The following REEP3 variants were observed in gnomAD, a reference collection of about 807,000 sequenced individuals.
REEP3 encodes receptor accessory protein 3.
In REEP3, 20 loss-of-function variants were observed where a neutral mutation model predicts 41.3. The ratio of observed to expected loss-of-function variants is 0.48; its 90% CI spans 0.34 to 0.70. The LOEUF (loss-of-function observed/expected upper bound fraction) is 0.70. Among genes scored for constraint, REEP3 ranks in the 30% least tolerant of loss-of-function variants. REEP3 has a pLI of 0.01. For missense variants in REEP3, 271 were observed against 308.8 expected (o/e 0.88, Z 0.92); for synonymous variants, 104 against 101.8 (o/e 1.02, Z -0.13).
intron 2 of REEP3, among the ~76,000 whole-genome samples, chr10:63,589,115 T>C (rs1956033798): frequency 6.6e-6 from 1 of 152,118 alleles, no homozygotes; most frequent in Admixed American, 6.6e-5. Context: ...AGCAGAGGAA[T>C]GGCATGATTT....
intron 1 of REEP3, among the ~76,000 whole-genome samples, chr10:63,551,442 T>C (rs1589863667): frequency 6.6e-6 from 1 of 152,248 alleles, no homozygotes; most frequent in Non-Finnish European, 1.5e-5. Context: ...CTCAAGGAAA[T>C]GGAGCATCAC....
intron 5 of REEP3, chr10:63,599,586 G>GA (rs1276264538): frequency 3.5e-6 from 2 of 576,492 alleles, no homozygotes; most frequent in Non-Finnish European, 4.4e-6. Flanking sequence ...CTGATGTAAA[G>GA]ATGACCATTG....
At chr10:63,608,676 T>A (rs1482890493) in intron 5 of REEP3, among the ~76,000 whole-genome samples, 1 of 152,238 alleles carries the variant, frequency 6.6e-6, no homozygotes, top group Middle Eastern at 3.2e-3. Flanking sequence ...CTATGCAAAT[T>A]TAAAGTAGGT....
At chr10:63,562,202 G>A (rs117719432) in intron 1 of REEP3, among the ~76,000 whole-genome samples, 1 of 151,942 alleles carries the variant, frequency 6.6e-6, no homozygotes, top group Non-Finnish European at 1.5e-5. Flanking sequence ...GAGCCTGGGG[G>A]TTGGCAGTTC....
At chr10:63,565,219 C>G (rs1016447791) in intron 1 of REEP3, among the ~76,000 whole-genome samples, 7 of 152,198 alleles carry the variant, frequency 4.6e-5, no homozygotes, top group African/African-American at 1.7e-4. Flanking sequence ...GAGATCGCAC[C>G]ACTACACTCT....
chr10:63,615,942 C>G (rs1433539931), intron 6 of REEP3, among the ~76,000 whole-genome samples: 1 of 152,216 alleles, frequency 6.6e-6, no homozygotes, highest in Non-Finnish European at 1.5e-5. Context: ...TGCTATACTA[C>G]AGTAACCTCC....
chr10:63,523,657 G>T (rs1182431447), intron 1 of REEP3, among the ~76,000 whole-genome samples: 1 of 151,942 alleles, frequency 6.6e-6, no homozygotes, highest in Non-Finnish European at 1.5e-5. Context: ...AAAAAAGAAT[G>T]GACAGAATCT....
intron 1 of REEP3, among the ~76,000 whole-genome samples, chr10:63,525,683 T>A (rs1955356905): frequency 6.6e-6 from 1 of 152,184 alleles, no homozygotes; most frequent in South Asian, 2.1e-4. Flanking sequence ...CCTCCCAAAG[T>A]GCTGGGATTA....
chr10:63,578,566 G>T (rs1260822865), intron 2 of REEP3, among the ~76,000 whole-genome samples: 1 of 152,056 alleles, frequency 6.6e-6, no homozygotes, highest in Non-Finnish European at 1.5e-5. Flanking sequence ...CTTGAGTCCA[G>T]GAGTTTGAGA....
intron 4 of REEP3, among the ~76,000 whole-genome samples, chr10:63,598,574 G>A (rs575432523): frequency 6.0e-5 from 9 of 150,830 alleles, no homozygotes; most frequent in East Asian, 3.9e-4. Flanking sequence ...CACTAGGTCC[G>A]GAGATCGAGA....
intron 3 of REEP3, among the ~76,000 whole-genome samples, chr10:63,597,748 A>C (rs1956129226): frequency 6.6e-6 from 1 of 152,142 alleles, no homozygotes; most frequent in Admixed American, 6.5e-5. Flanking sequence ...CCCCGCCTCT[A>C]CTAAAAATAT....
In REEP3 at chr10:63,591,058, T is replaced by C. The variant is rs1048957522; in HGVS notation, c.106-3720T>C. Among the ~76,000 whole-genome samples, 6 of 152,100 alleles carry C rather than the reference T, an allele frequency of 3.9e-5. 1 individual carries two copies. In the South Asian group the frequency reaches 6.2e-4, roughly 16 times the overall value. On this transcript the variant is annotated intron_variant, in intron 2 of 7. Coordinates refer to ENST00000373758, the MANE Select transcript of REEP3 (RefSeq NM_001001330.3). Reference sequence around the variant, plus strand: ...TATTAATACTACATTCTGTTATCAATGTTTTTTGTTGATCTAAAGAATATT... The same window carrying C: ...TATTAATACTACATTCTGTTATCAACGTTTTTTGTTGATCTAAAGAATATT...
intron 6 of REEP3, among the ~76,000 whole-genome samples, chr10:63,613,821 T>C (rs1956293459): frequency 6.6e-6 from 1 of 152,174 alleles, no homozygotes; most frequent in East Asian, 1.9e-4. Context: ...TTAAAATAAA[T>C]TCTTAAAAGA....
intron 1 of REEP3, among the ~76,000 whole-genome samples, chr10:63,540,842 T>C (rs1401417086): frequency 4.6e-5 from 7 of 152,266 alleles, no homozygotes; most frequent in Admixed American, 1.3e-4. Flanking sequence ...CACCTCAGCC[T>C]CCCAAAGTGC....
intron 2 of REEP3, 87 bp downstream of exon 2, chr10:63,566,497 G>C (rs1257295590): frequency 7.9e-6 from 6 of 763,294 alleles, no homozygotes; most frequent in African/African-American, 1.8e-5. Context: ...GAAACGGCTG[G>C]AGTAGTGTTT....
At chr10:63,581,551 G>A (rs1368269235) in intron 2 of REEP3, among the ~76,000 whole-genome samples, 1 of 152,028 alleles carries the variant, frequency 6.6e-6, no homozygotes, top group Admixed American at 6.6e-5. Flanking sequence ...GACTAACCTG[G>A]GCAACATAGC....
At chr10:63,525,948 T>A (rs1222609898) in intron 1 of REEP3, among the ~76,000 whole-genome samples, 1 of 152,198 alleles carries the variant, frequency 6.6e-6, no homozygotes, top group African/African-American at 2.4e-5. Context: ...CCCATGGGAT[T>A]AAATACATTA....
chr10:63,533,597 A>G (rs1240232279), intron 1 of REEP3, among the ~76,000 whole-genome samples: 2 of 152,076 alleles, frequency 1.3e-5, no homozygotes, highest in Non-Finnish European at 2.9e-5. Context: ...TTAATTTTGT[A>G]AATAGAAATG....
At chr10:63,552,441 G>A (rs1375910311) in intron 1 of REEP3, among the ~76,000 whole-genome samples, 7 of 152,048 alleles carry the variant, frequency 4.6e-5, no homozygotes, top group Non-Finnish European at 8.8e-5. Flanking sequence ...TAACATTGAT[G>A]AACTATTAAT....
Sources: gnomAD v4.1 joint callset for allele counts (sites outside exome capture counted in the v4.1 genomes callset) on GRCh38, gnomAD v4.1.1 for gene constraint, MANE v1.5 for transcripts, NCBI Gene and HGNC (gene_info 2026-07-23, HGNC 2026-07-21) for gene names.